The following RSRC1 variants were observed in gnomAD, a reference collection of about 807,000 sequenced individuals.
RSRC1 encodes the protein arginine and serine rich coiled-coil 1.
RSRC1 carries 39 observed loss-of-function variants against 49.1 expected under a neutral mutation model. The observed-to-expected ratio is 0.79, with a 90% CI of 0.61 to 1.04. RSRC1 has a LOEUF of 1.04. RSRC1 is among the 50% of genes least tolerant of loss of function. The pLI is 0.00. For missense variants in RSRC1, 388 were observed against 402.4 expected, an observed-to-expected ratio of 0.96 and a Z score of 0.31; for synonymous variants, 143 against 130.8, an observed-to-expected ratio of 1.09 and a Z score of -0.63.
chr3:158,198,031 A>T (rs1464505634), intron 3 of RSRC1, among the ~76,000 whole-genome samples: 1 of 152,032 alleles, frequency 6.6e-6, no homozygotes, highest in African/African-American at 2.4e-5. Context: ...GCTGAGTTCA[A>T]TTCCTGGATA....
intron 1 of RSRC1, chr3:158,110,719 A>G (rs1272559961): frequency 6.6e-6 from 1 of 152,612 alleles, no homozygotes; most frequent in Non-Finnish European, 1.5e-5. Flanking sequence ...TCTGGCTCAC[A>G]CTGGCTTGCT....
At chr3:158,194,854 C>T (rs1720479202) in intron 3 of RSRC1, among the ~76,000 whole-genome samples, 1 of 152,062 alleles carries the variant, frequency 6.6e-6, no homozygotes, top group South Asian at 2.1e-4. Flanking sequence ...GCATAGCATT[C>T]CATGGTGTAT....
intron 6 of RSRC1, among the ~76,000 whole-genome samples, chr3:158,421,358 C>A (rs181979270): frequency 1.0e-3 from 158 of 151,912 alleles, no homozygotes; most frequent in Admixed American, 3.0e-3. Flanking sequence ...AGAAGTCATT[C>A]TTTGAGATCC....
chr3:158,503,699 A>G (rs1198694731), intron 7 of RSRC1, among the ~76,000 whole-genome samples: 1 of 151,866 alleles, frequency 6.6e-6, no homozygotes, highest in Admixed American at 6.6e-5. Flanking sequence ...TCATCCAGCT[A>G]CCATGCAAAC....
chr3:158,169,390 G>A (rs1474963959), intron 3 of RSRC1, among the ~76,000 whole-genome samples: 2 of 152,084 alleles, frequency 1.3e-5, no homozygotes, highest in African/African-American at 4.8e-5. Context: ...ACCTCATTCA[G>A]CATAAATCCC....
At chr3:158,287,406 A>G (rs974966124) in intron 4 of RSRC1, among the ~76,000 whole-genome samples, 1 of 152,170 alleles carries the variant, frequency 6.6e-6, no homozygotes, top group African/African-American at 2.4e-5. Flanking sequence ...GATGAAATAT[A>G]CTAGGTTTAT....
intron 4 of RSRC1, among the ~76,000 whole-genome samples, chr3:158,265,309 T>A (rs114599842): frequency 6.6e-6 from 1 of 152,172 alleles, no homozygotes; most frequent in Admixed American, 6.5e-5. Flanking sequence ...TGTTTACTTA[T>A]CTTGAACCAA....
chr3:158,388,963 G>A (rs1393940308), intron 6 of RSRC1, among the ~76,000 whole-genome samples: 1 of 152,030 alleles, frequency 6.6e-6, no homozygotes, highest in Non-Finnish European at 1.5e-5. Context: ...CAAGTTGGAG[G>A]AATAGATATA....
At chr3:158,519,351 G>C (rs1030949073) in intron 7 of RSRC1, among the ~76,000 whole-genome samples, 1 of 151,902 alleles carries the variant, frequency 6.6e-6, no homozygotes, top group Non-Finnish European at 1.5e-5. Context: ...TCGTATTAGA[G>C]AGTGACCAGT....
intron 4 of RSRC1, among the ~76,000 whole-genome samples, chr3:158,280,266 TGA>T (rs1377587517): frequency 2.0e-5 from 3 of 152,106 alleles, no homozygotes; most frequent in African/African-American, 7.2e-5. Context: ...TGGAATAAAA[TGA>T]GAGAAGAATT....
chr3:158,194,319 G>GAAGAA (rs1720417318), intron 3 of RSRC1, among the ~76,000 whole-genome samples: 1 of 149,444 alleles, frequency 6.7e-6, no homozygotes. Flanking sequence ...GGAAAGGAAA[G>GAAGAA]AAGAAAAGAA....
intron 4 of RSRC1, among the ~76,000 whole-genome samples, chr3:158,268,142 T>G (rs1043075146): frequency 6.6e-6 from 1 of 152,180 alleles, no homozygotes; most frequent in Non-Finnish European, 1.5e-5. Flanking sequence ...TCTGTTTTGC[T>G]TCTGTGGTTG....
chr3:158,305,729 C>T (rs1431772142), intron 5 of RSRC1, among the ~76,000 whole-genome samples: 1 of 152,032 alleles, frequency 6.6e-6, no homozygotes, highest in Non-Finnish European at 1.5e-5. Context: ...CCATTTGCCA[C>T]TGAATAATAG....
intron 6 of RSRC1, among the ~76,000 whole-genome samples, chr3:158,460,535 G>A (rs6441201): frequency 0.51 from 76,720 of 151,596 alleles, 20,139 homozygotes; most frequent in African/African-American, 0.64. Flanking sequence ...TGTTCCATAG[G>A]TATTGCAAGC....
intron 4 of RSRC1, among the ~76,000 whole-genome samples, chr3:158,284,875 T>C (rs1406203255): frequency 6.6e-6 from 1 of 151,296 alleles, no homozygotes; most frequent in East Asian, 1.9e-4. Flanking sequence ...TTTCTTTTGC[T>C]GTGCAGAAGC....
chr3:158,503,775 C>T (rs1232016702), intron 7 of RSRC1, among the ~76,000 whole-genome samples: 2 of 152,038 alleles, frequency 1.3e-5, no homozygotes, highest in Non-Finnish European at 1.5e-5. Flanking sequence ...AGGTGTTGGG[C>T]GAGCCAGGCT....
At chr3:158,300,779 T>A (rs1019507891) in intron 5 of RSRC1, among the ~76,000 whole-genome samples, 1 of 152,214 alleles carries the variant, frequency 6.6e-6, no homozygotes, top group Non-Finnish European at 1.5e-5. Context: ...TAGATTATCA[T>A]AGAGAGCATT....
intron 6 of RSRC1, among the ~76,000 whole-genome samples, chr3:158,390,289 G>A (rs1733202792): frequency 6.6e-6 from 1 of 152,172 alleles, no homozygotes; most frequent in South Asian, 2.1e-4. Flanking sequence ...CAGGAAAGTG[G>A]AGCCTGGCCC....
chr3:158,261,371 A>G (rs1724884144), intron 4 of RSRC1, among the ~76,000 whole-genome samples: 4 of 152,158 alleles, frequency 2.6e-5, no homozygotes, highest in African/African-American at 9.7e-5. Flanking sequence ...ATGATGTTTC[A>G]CATGTTTCCA....
Sources: gnomAD v4.1 joint callset for allele counts (sites outside exome capture counted in the v4.1 genomes callset) on GRCh38, gnomAD v4.1.1 for gene constraint, MANE v1.5 for transcripts, NCBI Gene and HGNC (gene_info 2026-07-23, HGNC 2026-07-21) for gene names.